Variants in NLRC3 observed in about 807,000 individuals in gnomAD.
NLRC3 encodes NLR family CARD domain-containing protein 3.
Under a neutral mutation model 91.6 loss-of-function variants are expected in NLRC3, and 87 were observed. The observed-to-expected ratio is 0.95, with a 90% confidence interval of 0.80 to 1.14. The LOEUF is 1.14. Ranked by LOEUF, NLRC3 falls within the 50% of genes most tolerant of loss-of-function variation. NLRC3 has a pLI of 0.00. For synonymous variants in NLRC3, 694 were observed against 625.3 expected (o/e 1.11, Z -1.64); for missense variants, 1,577 against 1,418.6 (o/e 1.11, Z -1.79).
chr16:3,563,194 G>T lies in NLRC3; in HGVS notation c.1743C>A (p.Arg581=). 1 of 1,596,104 alleles carries T rather than the reference G, an allele frequency of 6.3e-7. No individual in the cohort carries two copies. Residue 581 remains arginine, a synonymous_variant, in exon 5 of 20, where the codon CGC becomes CGA. Transcript: ENST00000359128. ...CGCTCTCCATGGCCTCCTCCACGCTGCGGGCCAGCTCGGTGTGCTGCAGCT... is the reference window on the plus strand; with the variant it reads ...CGCTCTCCATGGCCTCCTCCACGCTTCGGGCCAGCTCGGTGTGCTGCAGCT... ...LHELQHTELA[R]SVEEAMESGA...
chr16:3,544,372 G>T (rs369107587), intron 15 of NLRC3, 43 bp from the exon 16 acceptor site: 18 of 1,400,400 alleles, frequency 1.3e-5, no homozygotes, highest in Non-Finnish European at 1.8e-5. Context: ...GGGGCACAGG[G>T]AGCATTCTAG....
intron 8 of NLRC3, chr16:3,555,863 T>C (rs2039284823): frequency 6.7e-6 from 1 of 150,334 alleles, no homozygotes; most frequent in African/African-American, 2.5e-5. Context: ...ATTACAGGCA[T>C]CAGCCTCTGG....
chr16:3,568,174 G>A (rs1473210550), intron 1 of NLRC3, among the ~76,000 whole-genome samples: 2 of 152,194 alleles, frequency 1.3e-5, no homozygotes, highest in Non-Finnish European at 2.9e-5. Context: ...GATAAAAGAA[G>A]CTTAGCAATA....
rs1334588422 is a variant in NLRC3, at chr16:3,540,890, C to T, written c.*935G>A. The T allele has an allele frequency of 2.0e-5, 3 of 152,080 alleles. No homozygotes were observed. The highest frequency in any genetic ancestry group is 4.8e-5 in the African/African-American group (2 of 41,392). 9.4% of individuals were successfully genotyped at this position (152,080 alleles called of 1,614,324 possible). A position where few individuals can be genotyped will look rare whatever the true frequency, so the allele number is the denominator to read the frequency against. On this transcript the variant is annotated 3_prime_UTR_variant, in exon 20 of 20. Transcript: ENST00000359128. ...CAGACAACATGTGCCAGGCATCACC[C>T]ATGTCTTTGATTTTGTAATAAATAA... is the stretch of plus-strand genomic sequence containing the variant.
chr16:3,541,517 G>A lies in NLRC3; in HGVS notation c.*308C>T. ...TGGGGACACATGAAGTCCTCAGGGTGTAAAGCTGGAACCAGCCTCCTGTAC... is the reference window on the plus strand; with the variant it reads ...TGGGGACACATGAAGTCCTCAGGGTATAAAGCTGGAACCAGCCTCCTGTAC... On this transcript the variant is annotated 3_prime_UTR_variant, in exon 20 of 20. Coordinates refer to ENST00000359128, the MANE Select transcript of NLRC3 (RefSeq NM_178844.4). The A allele has an allele frequency of 6.1e-6, 2 of 326,920 alleles. No individual in the cohort carries two copies. The highest frequency in any genetic ancestry group is 5.5e-5 in the East Asian group (1 of 18,144). The allele number at this position is 326,920 out of a possible 1,614,324, so 20.3% of individuals were successfully genotyped here.
intron 1 of NLRC3, among the ~76,000 whole-genome samples, chr16:3,570,976 T>C (rs1190162920): frequency 6.6e-6 from 1 of 152,158 alleles, no homozygotes; most frequent in Admixed American, 6.6e-5. Flanking sequence ...TATTATTAAA[T>C]AGAAGATGTA....
Position 3,552,216 on chromosome 16 carries a change from G to C in NLRC3, c.2331C>G (p.Asn777Lys). 1 of 1,610,298 alleles carries C rather than the reference G, an allele frequency of 6.2e-7. No individual in the cohort carries two copies. The highest frequency in any genetic ancestry group is 1.3e-5 in the African/African-American group (1 of 74,964). Residue 777 changes from asparagine to lysine, a missense_variant, in exon 10 of 20, where the codon AAC becomes AAG. By Grantham distance (94) the Asn-to-Lys change is moderately conservative. Coordinates refer to ENST00000359128, the MANE Select transcript of NLRC3 (RefSeq NM_178844.4). ...AQRMADALKQNRSLKELMFSS... is the reference protein window; with the variant it reads ...AQRMADALKQKRSLKELMFSS... Reference sequence around the variant, plus strand: ...CTCACATGAGCTCTTTCAGACTCCTGTTCTGCTTCAAGGCATCTGCCATCC... The same window carrying C: ...CTCACATGAGCTCTTTCAGACTCCTCTTCTGCTTCAAGGCATCTGCCATCC...
At chr16:3,569,371 C>CATATATATAT (rs139927647) in intron 1 of NLRC3, among the ~76,000 whole-genome samples, 1 of 70,406 alleles carries the variant, frequency 1.4e-5, no homozygotes, top group African/African-American at 6.7e-5. Flanking sequence ...TTCTGAAAAC[C>CATATATATAT]ATATATATAT....
chr16:3,548,126 C>G lies in NLRC3; in HGVS notation c.2771+9G>C, dbSNP rs770250811. The G allele has an allele frequency of 1.9e-5, 30 of 1,569,030 alleles. No individual in the cohort carries two copies. Among genetic ancestry groups the G allele is most frequent in the Admixed American group, 3.7e-5 (2 of 53,992 alleles). ...CCCCGCCCTGCAGCCCCTGGGCAGG[C>G]CAACTTACTCTAAGCTGGTGAGGCT... is the stretch of plus-strand genomic sequence containing the variant. On this transcript the variant is annotated intron_variant, in intron 15 of 19. Transcript: ENST00000359128.
Position 3,556,976 on chromosome 16 carries a change from A to G in NLRC3, c.2118T>C (p.Ile706=). 2 of 1,613,510 alleles carry G rather than the reference A, an allele frequency of 1.2e-6. No homozygotes were observed. The highest frequency in any genetic ancestry group is 1.7e-6 in the Non-Finnish European group (2 of 1,179,450). Residue 706 remains isoleucine, a synonymous_variant, in exon 8 of 20, where the codon ATT becomes ATC. Transcript: ENST00000359128. ...LTSLDLRGNS[I]GPQGAKALAD... is the part of the protein sequence containing the mutation. ...CCAGCGCCTTGGCCCCTTGTGGTCCAATGGAGTTACCGCGGAGGCTGAAGG... is the reference window on the plus strand; with the variant it reads ...CCAGCGCCTTGGCCCCTTGTGGTCCGATGGAGTTACCGCGGAGGCTGAAGG...
chr16:3,561,181 C>A (rs1228152490), intron 6 of NLRC3, among the ~76,000 whole-genome samples: 1 of 151,844 alleles, frequency 6.6e-6, no homozygotes, highest in Non-Finnish European at 1.5e-5. Flanking sequence ...GAAACCCTGT[C>A]TCTACTAAAA....
intron 1 of NLRC3, among the ~76,000 whole-genome samples, chr16:3,572,095 C>T (rs1373051441): frequency 2.0e-5 from 3 of 151,706 alleles, no homozygotes; most frequent in Non-Finnish European, 4.4e-5. Context: ...TAATAAGTAA[C>T]CAAACAGAAT....
At chr16:3,556,458 G>A (rs2039338384) in intron 8 of NLRC3, among the ~76,000 whole-genome samples, 1 of 149,826 alleles carries the variant, frequency 6.7e-6, no homozygotes, top group Admixed American at 6.7e-5. Context: ...TAGGGCATAA[G>A]ATCCCCAGTA....
At chr16:3,548,095 A>G in intron 15 of NLRC3, 40 bp downstream of exon 15, 1 of 1,416,130 alleles carries the variant, frequency 7.1e-7, no homozygotes, top group Non-Finnish European at 9.7e-7. Flanking sequence ...CCCTGTCCTC[A>G]ACAGCCCCCG....
chr16:3,565,068 G>T lies in NLRC3; in HGVS notation c.-24-8C>A, dbSNP rs890241473. On this transcript the variant is annotated splice_polypyrimidine_tract_variant and splice_region_variant and intron_variant, in intron 3 of 19. Transcript: ENST00000359128. ...GGGGATCACCTCCAGGAGCTGTGAA[G>T]AGAGGGCCTGAACCTGCTGCCTGCC... 4.4e-6 allele frequency: 7 copies of T among 1,597,788 alleles called. No individual in the cohort carries two copies. In the East Asian group the frequency reaches 1.6e-4, roughly 36 times the overall value.
chr16:3,548,347 TG>T (rs2038808875), intron 14 of NLRC3, 129 bp from the exon 15 acceptor site: 4 of 743,688 alleles, frequency 5.4e-6, no homozygotes, highest in Non-Finnish European at 9.1e-6. Flanking sequence ...CTGCAACCCC[TG>T]CCCAGACTTA....
At position 3,552,141 on chromosome 16, in the gene NLRC3, T is replaced by C. The variant is rs917510278; in HGVS notation, c.2351+55A>G. ...CAGGCTCACAAATATTTGTGCTGGGTTGGGCATTGTGCTGGGCACTGAGGA... is the reference window on the plus strand; with the variant it reads ...CAGGCTCACAAATATTTGTGCTGGGCTGGGCATTGTGCTGGGCACTGAGGA... On this transcript the variant is annotated intron_variant, in intron 10 of 19. Coordinates refer to ENST00000359128, the MANE Select transcript of NLRC3 (RefSeq NM_178844.4). The C allele has an allele frequency of 4.0e-5, 42 of 1,039,648 alleles. No individual in the cohort carries two copies. In the African/African-American group the frequency reaches 5.8e-4, roughly 14 times the overall value. 64.4% of individuals were successfully genotyped at this position (1,039,648 alleles called of 1,614,324 possible). A position where few individuals can be genotyped will look rare whatever the true frequency, so the allele number is the denominator to read the frequency against.
chr16:3,544,542 A>C (rs371206877), intron 15 of NLRC3: 8 of 552,788 alleles, frequency 1.4e-5, no homozygotes, highest in South Asian at 4.4e-5. Context: ...ATGAGTCTGA[A>C]CCGCCAGAGG....
In NLRC3 at chr16:3,561,754, C is replaced by T; in HGVS notation, c.1963G>A (p.Glu655Lys). ...DTNQFQDPVM[E>K]LLGSVLSGKD... ...CCACTCAGCACGCTGCCCAGCAGCT[C>T]CATCACGGGGTCCTGGAACTGGTTG... is the stretch of plus-strand genomic sequence containing the variant. Residue 655 changes from glutamate to lysine, a missense_variant, in exon 6 of 20, where the codon GAG (glutamate) becomes AAG (lysine). By Grantham distance (56) the Glu-to-Lys change is moderately conservative. Coordinates refer to ENST00000359128, the MANE Select transcript of NLRC3 (RefSeq NM_178844.4). 1 of 1,613,610 alleles carries T rather than the reference C, an allele frequency of 6.2e-7. No homozygotes were observed. The highest frequency in any genetic ancestry group is 8.5e-7 in the Non-Finnish European group (1 of 1,179,746).
Sources: allele counts gnomAD v4.1 joint callset (sites outside exome capture counted in the v4.1 genomes callset), GRCh38; gene constraint gnomAD v4.1.1; transcripts MANE v1.5; gene names NCBI Gene and HGNC (gene_info 2026-07-23, HGNC 2026-07-21).